The following ELMO1 variants were observed in gnomAD, a reference collection of about 807,000 sequenced individuals.
ELMO1 encodes engulfment and cell motility protein 1.
ELMO1 carries 26 observed loss-of-function variants against 98.9 expected under a neutral mutation model. The observed-to-expected ratio is 0.26, with a 90% CI of 0.19 to 0.36. ELMO1 has a LOEUF of 0.36. Among genes scored for constraint, ELMO1 ranks in the 10% least tolerant of loss-of-function variants. The pLI, the probability that ELMO1 is intolerant of heterozygous loss-of-function variation, is 1.00. For synonymous variants in ELMO1, 346 were observed against 346.0 expected (o/e 1.00, Z 0.00); for missense variants, 627 against 935.2 (o/e 0.67, Z 4.30).
At position 37,256,750 on chromosome 7, in the gene ELMO1, GGGAAGGGAAGGGAGAAGGGAGGA is replaced by G. The variant is rs1423933492; in HGVS notation, c.413+2408_413+2430del. Among the ~76,000 whole-genome samples, 3 of 85,688 alleles carry G rather than the reference GGGAAGGGAAGGGAGAAGGGAGGA, an allele frequency of 3.5e-5. No individual in the cohort carries two copies. The Admixed American group carries it at 3.6e-4, about 10-fold the overall frequency. 56.2% of individuals were successfully genotyped at this position (85,688 alleles called of 152,430 possible). On this transcript the variant is annotated intron_variant, in intron 6 of 21. Transcript: ENST00000310758. ...GGGAAGGGAAGGGAAGGGAAGGGAA[GGGAAGGGAAGGGAGAAGGGAGGA>G]GGAAGGGAAGGGAGAAGGGAGGGAG...
chr7:36,964,463 T>C (rs1047488921), intron 16 of ELMO1, among the ~76,000 whole-genome samples: 4 of 152,254 alleles, frequency 2.6e-5, no homozygotes, highest in African/African-American at 9.6e-5. Flanking sequence ...ACTCAAAGTA[T>C]GGTTTCCACT....
At chr7:37,252,515 A>G (rs1235159827) in intron 6 of ELMO1, among the ~76,000 whole-genome samples, 9 of 152,226 alleles carry the variant, frequency 5.9e-5, no homozygotes. Context: ...TGCTGGGAAA[A>G]CTGGCTAGCC....
chr7:36,972,307 C>T (rs1045399183), intron 16 of ELMO1, among the ~76,000 whole-genome samples: 3 of 152,144 alleles, frequency 2.0e-5, no homozygotes, highest in East Asian at 1.9e-4. Context: ...CATGCCATGT[C>T]GCAATTTCAA....
At chr7:37,269,718 A>T (rs1385836432) in intron 5 of ELMO1, 2 of 152,298 alleles carry the variant, frequency 1.3e-5, no homozygotes, top group Non-Finnish European at 2.9e-5. Context: ...TGCTGGGATT[A>T]CAGGCGTGAG....
chr7:37,124,985 T>A (rs1786395421), intron 14 of ELMO1, among the ~76,000 whole-genome samples: 1 of 152,080 alleles, frequency 6.6e-6, no homozygotes, highest in African/African-American at 2.4e-5. Context: ...AATACCACAC[T>A]TCTACAACTA....
intron 18 of ELMO1, among the ~76,000 whole-genome samples, chr7:36,881,080 A>G (rs974665247): frequency 6.6e-6 from 1 of 152,214 alleles, no homozygotes; most frequent in Non-Finnish European, 1.5e-5. Context: ...TCACAGATAT[A>G]AGTGATGTGT....
intron 20 of ELMO1, among the ~76,000 whole-genome samples, chr7:36,869,692 C>T (rs753566288): frequency 2.0e-5 from 3 of 152,190 alleles, no homozygotes; most frequent in African/African-American, 7.2e-5. Context: ...ATACTTCCAG[C>T]GGGCAAAAGA....
chr7:37,107,500 T>C (rs1406823011), intron 14 of ELMO1, among the ~76,000 whole-genome samples: 1 of 152,238 alleles, frequency 6.6e-6, no homozygotes, highest in Non-Finnish European at 1.5e-5. Flanking sequence ...GAAGCCCCTA[T>C]GCATCTTGGG....
At chr7:37,435,596 C>T (rs1805111077) in intron 1 of ELMO1, among the ~76,000 whole-genome samples, 2 of 152,218 alleles carry the variant, frequency 1.3e-5, no homozygotes, top group Non-Finnish European at 2.9e-5. Context: ...TTCACAACTT[C>T]TTGTATTTTC....
At chr7:37,404,185 A>G (rs1803654319) in intron 1 of ELMO1, among the ~76,000 whole-genome samples, 1 of 152,076 alleles carries the variant, frequency 6.6e-6, no homozygotes, top group East Asian at 1.9e-4. Context: ...ATTTTAAGGT[A>G]TGCATGGGAA....
At chr7:37,122,467 A>G (rs902051403) in intron 14 of ELMO1, among the ~76,000 whole-genome samples, 1 of 152,228 alleles carries the variant, frequency 6.6e-6, no homozygotes, top group Non-Finnish European at 1.5e-5. Flanking sequence ...GGAAAACAAA[A>G]AAAGGCAGGG....
At chr7:37,096,768 T>A in intron 14 of ELMO1, 41 bp from the exon 15 acceptor site, 1 of 1,545,526 alleles carries the variant, frequency 6.5e-7, no homozygotes, top group Non-Finnish European at 8.9e-7. Context: ...GAAATTCAAT[T>A]GTGGAAAACA....
intron 8 of ELMO1, among the ~76,000 whole-genome samples, chr7:37,229,477 T>C (rs937861341): frequency 3.3e-5 from 5 of 151,954 alleles, no homozygotes; most frequent in African/African-American, 9.7e-5. Flanking sequence ...GATAAAGTAA[T>C]AGAGAAGGAG....
At chr7:36,857,111 G>C (rs1176167152) in intron 21 of ELMO1, among the ~76,000 whole-genome samples, 1 of 152,194 alleles carries the variant, frequency 6.6e-6, no homozygotes, top group African/African-American at 2.4e-5. Context: ...TGTATTATGA[G>C]ATCTGTGTTT....
intron 1 of ELMO1, among the ~76,000 whole-genome samples, chr7:37,348,992 G>A (rs1465024884): frequency 6.6e-6 from 1 of 152,190 alleles, no homozygotes; most frequent in Non-Finnish European, 1.5e-5. Flanking sequence ...AATTAAGCCT[G>A]TATGGCCATT....
intron 17 of ELMO1, among the ~76,000 whole-genome samples, chr7:36,889,528 G>T (rs886193423): frequency 8.5e-5 from 13 of 152,172 alleles, no homozygotes; most frequent in African/African-American, 3.1e-4. Context: ...GAGAAAATCT[G>T]GGAGAAAGAG....
At chr7:37,322,612 ACTCT>A (rs1799577576) in intron 2 of ELMO1, among the ~76,000 whole-genome samples, 1 of 135,048 alleles carries the variant, frequency 7.4e-6, no homozygotes, top group South Asian at 2.4e-4. Context: ...CAACAGTAAA[ACTCT>A]CTCTCCAAAA....
intron 15 of ELMO1, among the ~76,000 whole-genome samples, chr7:37,015,702 T>C (rs375158977): frequency 2.6e-5 from 4 of 152,162 alleles, no homozygotes; most frequent in African/African-American, 9.7e-5. Context: ...GCAAAGTGCT[T>C]TGGACAGGAT....
chr7:37,444,172 T>C (rs1805520084), intron 1 of ELMO1, among the ~76,000 whole-genome samples: 1 of 152,210 alleles, frequency 6.6e-6, no homozygotes, highest in Non-Finnish European at 1.5e-5. Context: ...CCAGGTCAGC[T>C]AAAATGCTTC....
Sources: allele counts gnomAD v4.1 joint callset (sites outside exome capture counted in the v4.1 genomes callset), GRCh38; gene constraint gnomAD v4.1.1; transcripts MANE v1.5; gene names NCBI Gene and HGNC (gene_info 2026-07-23, HGNC 2026-07-21).